SAMD12: variants seen among roughly 807,000 people sequenced by gnomAD.
SAMD12 encodes sterile alpha motif domain containing 12.
A neutral mutation model predicts 15.0 loss-of-function variants in SAMD12; 9 were observed. The ratio of observed to expected loss-of-function variants is 0.60; its 90% CI spans 0.36 to 1.05. The LOEUF is 1.05. Among genes scored for constraint, SAMD12 ranks in the 50% least tolerant of loss-of-function variants. SAMD12 has a pLI of 0.01. For synonymous variants in SAMD12, 86 were observed against 90.1 expected (o/e 0.96, Z 0.25); for missense variants, 230 against 234.2 (o/e 0.98, Z 0.12).
At chr8:118,554,600 G>A (rs149200604) in intron 2 of SAMD12, among the ~76,000 whole-genome samples, 2,591 of 151,468 alleles carry the variant, frequency 0.017, 79 homozygotes, top group African/African-American at 0.06. Flanking sequence ...TGGGTGCAGC[G>A]CACTAGCATG....
intron 4 of SAMD12, among the ~76,000 whole-genome samples, chr8:118,268,984 AG>A (rs1399463139): frequency 6.6e-6 from 1 of 152,144 alleles, no homozygotes; most frequent in Non-Finnish European, 1.5e-5. Context: ...TGAGCGTGGT[AG>A]TCTCCTGAAT....
intron 2 of SAMD12, among the ~76,000 whole-genome samples, chr8:118,497,597 C>T (rs900655825): frequency 6.5e-4 from 98 of 151,418 alleles, no homozygotes; most frequent in African/African-American, 2.2e-3. Context: ...GGGGAGGTTA[C>T]CTATAGGGCA....
At chr8:118,544,668 A>G (rs1826075043) in intron 2 of SAMD12, among the ~76,000 whole-genome samples, 1 of 152,152 alleles carries the variant, frequency 6.6e-6, no homozygotes, top group Non-Finnish European at 1.5e-5. Flanking sequence ...ACAGCCAAAA[A>G]CCATGCAAGC....
exon 5 of SAMD12, chr8:118,197,124 A>G (rs1819587942): frequency 6.6e-6 from 1 of 152,400 alleles, no homozygotes; most frequent in African/African-American, 2.4e-5. Flanking sequence ...AAAAGAAAAT[A>G]CTTGATTTCT....
intron 2 of SAMD12, among the ~76,000 whole-genome samples, chr8:118,562,778 T>G (rs1826743388): frequency 6.6e-6 from 1 of 152,240 alleles, no homozygotes; most frequent in Admixed American, 6.5e-5. Context: ...ATTAGGATGG[T>G]GGCCAAAGGA....
chr8:118,583,925 G>A (rs1313744155), intron 1 of SAMD12, among the ~76,000 whole-genome samples: 1 of 152,086 alleles, frequency 6.6e-6, no homozygotes, highest in Non-Finnish European at 1.5e-5. Flanking sequence ...TCATCTCCAT[G>A]ACTTCCATTC....
At chr8:118,240,088 C>T (rs933484454) in intron 4 of SAMD12, 1 of 152,032 alleles carries the variant, frequency 6.6e-6, no homozygotes, top group Non-Finnish European at 1.5e-5. Context: ...CATTAAAATC[C>T]CTGTAGGGTA....
At chr8:118,376,045 A>G (rs2130698598), downstream of SAMD12, among the ~76,000 whole-genome samples, 1 of 152,248 alleles carries the variant, frequency 6.6e-6, no homozygotes, top group South Asian at 2.1e-4. Flanking sequence ...GAGTACACCA[A>G]TGCCTGGGTG....
At chr8:118,166,102 C>T in the SAMD12 span, among the ~76,000 whole-genome samples, 3 of 152,230 alleles carry the variant, frequency 2.0e-5, no homozygotes, top group South Asian at 6.2e-4. Flanking sequence ...AAAGTCATTA[C>T]CTAGCAACTG....
chr8:118,181,300 T>C, the SAMD12 span, among the ~76,000 whole-genome samples: 1 of 152,362 alleles, frequency 6.6e-6, no homozygotes. Flanking sequence ...ATTTTGGGCC[T>C]CTATTTTCTC....
intron 4 of SAMD12, among the ~76,000 whole-genome samples, chr8:118,363,922 T>A (rs2130648148): frequency 6.6e-6 from 1 of 152,328 alleles, no homozygotes; most frequent in South Asian, 2.1e-4. Context: ...TGTACACAGG[T>A]CCACAATCAG....
chr8:118,307,912 C>T (rs918041615), intron 4 of SAMD12, among the ~76,000 whole-genome samples: 2 of 152,190 alleles, frequency 1.3e-5, no homozygotes, highest in Admixed American at 1.3e-4. Context: ...TTTCTTCCCC[C>T]GGCCTCCTTC....
At chr8:118,193,229 GTTC>G (rs1423294362) in exon 5 of SAMD12, 1 of 152,160 alleles carries the variant, frequency 6.6e-6, no homozygotes. Context: ...CATCTATTTT[GTTC>G]TTTATATTAA....
At chr8:118,293,236 C>T (rs1252218955) in intron 4 of SAMD12, among the ~76,000 whole-genome samples, 1 of 152,094 alleles carries the variant, frequency 6.6e-6, no homozygotes, top group Non-Finnish European at 1.5e-5. Flanking sequence ...ACCTAGTCCC[C>T]TAAGTTTATA....
At chr8:118,142,548 G>A in the SAMD12 span, among the ~76,000 whole-genome samples, 10 of 152,156 alleles carry the variant, frequency 6.6e-5, no homozygotes, top group African/African-American at 2.2e-4. Flanking sequence ...TTGGGAACAC[G>A]GTGGTGAACT....
chr8:118,508,853 C>T (rs1488040719), intron 2 of SAMD12, among the ~76,000 whole-genome samples: 1 of 152,166 alleles, frequency 6.6e-6, no homozygotes, highest in Admixed American at 6.5e-5. Context: ...TAACTTTGAA[C>T]ATAATTCCAG....
intron 2 of SAMD12, among the ~76,000 whole-genome samples, chr8:118,464,293 T>A (rs1275561487): frequency 6.6e-6 from 1 of 152,212 alleles, no homozygotes; most frequent in Admixed American, 6.5e-5. Context: ...GACTGAGTCA[T>A]TCGCTTTCAA....
chr8:118,470,256 T>A lies in SAMD12; in HGVS notation c.193-30295A>T, dbSNP rs955840280. On this transcript the variant is annotated intron_variant, in intron 2 of 3. Transcript: ENST00000314727. ...TCAATATGTTATCTTTTTTTTTTTTTTAAAAAAAAAGGAGGTTTATGTTCA... is the reference window on the plus strand; with the variant it reads ...TCAATATGTTATCTTTTTTTTTTTTATAAAAAAAAAGGAGGTTTATGTTCA... Among the ~76,000 whole-genome samples, 5 of 147,158 alleles carry A rather than the reference T, an allele frequency of 3.4e-5. No homozygotes were observed. The South Asian group carries it at 8.4e-4, about 25-fold the overall frequency.
In SAMD12 at chr8:118,411,069, T is replaced by C. The variant is rs2450215; in HGVS notation, c.322+28763A>G. Among the ~76,000 whole-genome samples, 3,727 of 152,290 alleles carry C rather than the reference T, an allele frequency of 0.024. 203 individuals carry two copies. The East Asian group carries it at 0.25, about 10-fold the overall frequency. On this transcript the variant is annotated intron_variant, in intron 3 of 3. Coordinates refer to ENST00000314727, the MANE Select transcript of SAMD12 (RefSeq NM_207506.3). ...GAAGACTTATAAGTGGTAGACATTT[T>C]AGAAACACTGTTGAGTATAGTATTT...
Sources: allele counts gnomAD v4.1 joint callset (sites outside exome capture counted in the v4.1 genomes callset), GRCh38; gene constraint gnomAD v4.1.1; transcripts MANE v1.5; gene names NCBI Gene and HGNC (gene_info 2026-07-23, HGNC 2026-07-21).